Variants in ZNF98 observed in about 807,000 individuals in gnomAD.
ZNF98 encodes zinc finger protein 98.
A neutral mutation model predicts 12.8 loss-of-function variants in ZNF98; 8 were observed. The ratio of observed to expected loss-of-function variants is 0.63; its 90% CI spans 0.37 to 1.13. The LOEUF is 1.13. ZNF98 is among the 50% of genes most tolerant of loss of function. ZNF98 has a pLI of 0.01. For missense variants in ZNF98, 379 were observed against 666.1 expected, an observed-to-expected ratio of 0.57 and a Z score of 4.74; for synonymous variants, 112 against 223.5, an observed-to-expected ratio of 0.50 and a Z score of 4.45.
chr19:22,394,493 A>C lies in ZNF98; in HGVS notation c.254-1512T>G, dbSNP rs1969367657. On this transcript the variant is annotated intron_variant, in intron 3 of 3. Coordinates refer to ENST00000357774, the MANE Select transcript of ZNF98 (RefSeq NM_001098626.2). ...AAATGTGGCACGTATATACTACAGAATACTATGTATTCATGAAAAAGGATG... is the reference window on the plus strand; with the variant it reads ...AAATGTGGCACGTATATACTACAGACTACTATGTATTCATGAAAAAGGATG... Among the ~76,000 whole-genome samples the C allele has an allele frequency of 1.3e-5, 2 of 152,216 alleles. 1 individual carries two copies. Among genetic ancestry groups the C allele is most frequent in the South Asian group, 4.1e-4 (2 of 4,838 alleles).
rs74169609 is a variant in ZNF98 at position 22,391,747 on chromosome 19, G to A, written c.1488C>T (p.Gly496=). The A allele has an allele frequency of 3.1e-6, 5 of 1,612,948 alleles. No homozygotes were observed. In the East Asian group the frequency reaches 1.1e-4, roughly 36 times the overall value. ...GEKPYKCEEC[G]KAFNQSSHLT... ...GGTGTGAGGACTGGTTAAAAGCTTT[G>A]CCACATTCTTCACATTTGTAGGGCT... Residue 496 remains glycine, a synonymous_variant, in exon 4 of 4, where the codon GGC becomes GGT. Transcript: ENST00000357774.
intron 1 of ZNF98, among the ~76,000 whole-genome samples, chr19:22,418,931 A>G (rs1200111443): frequency 6.6e-6 from 1 of 152,208 alleles, no homozygotes; most frequent in Non-Finnish European, 1.5e-5. Flanking sequence ...TTTTTAATCA[A>G]ACTTCACTTA....
intron 1 of ZNF98, among the ~76,000 whole-genome samples, chr19:22,416,031 C>T (rs1969638733): frequency 6.7e-6 from 1 of 149,010 alleles, no homozygotes; most frequent in Non-Finnish European, 1.5e-5. Flanking sequence ...GTAGTCCCAG[C>T]TACTCGGGAG....
At chr19:22,401,964 C>G (rs1278192585) in intron 3 of ZNF98, among the ~76,000 whole-genome samples, 1 of 149,824 alleles carries the variant, frequency 6.7e-6, no homozygotes, top group Non-Finnish European at 1.5e-5. Context: ...ATCACAAGGT[C>G]TAGGAGTTCG....
chr19:22,402,480 T>C, intron 3 of ZNF98: 1 of 412,698 alleles, frequency 2.4e-6, no homozygotes, highest in Non-Finnish European at 4.2e-6. Flanking sequence ...ATTATCTATG[T>C]GTTTTCAAAA....
At chr19:22,397,132 A>C (rs975139581) in intron 3 of ZNF98, among the ~76,000 whole-genome samples, 1 of 11,826 alleles carries the variant, frequency 8.5e-5, no homozygotes, top group Non-Finnish European at 1.1e-3. Context: ...AAAAAACAAC[A>C]AAAAAAAACC....
At chr19:22,395,250 G>A (rs1404125219) in intron 3 of ZNF98, among the ~76,000 whole-genome samples, 1 of 144,864 alleles carries the variant, frequency 6.9e-6, no homozygotes, top group Non-Finnish European at 1.5e-5. Flanking sequence ...CAAAATTTTA[G>A]ACAAGGCACA....
chr19:22,419,799 A>G (rs1380653795), intron 1 of ZNF98, among the ~76,000 whole-genome samples: 5 of 152,320 alleles, frequency 3.3e-5, no homozygotes, highest in Middle Eastern at 3.4e-3. Context: ...TCAGAAGTCA[A>G]GATAACAGGA....
rs761191466 is a variant in ZNF98, at chr19:22,403,430, T to C, written c.113A>G (p.Tyr38Cys). The C allele has an allele frequency of 1.2e-6, 2 of 1,608,162 alleles. No individual in the cohort carries two copies. The highest frequency in any genetic ancestry group is 1.3e-5 in the African/African-American group (1 of 74,508). The change falls in exon 2 of 4, where the codon TAT becomes TGT. Residue 38 changes from tyrosine (Y) to cysteine (C), a missense_variant. Tyr to Cys is a radical substitution (Grantham distance 194, BLOSUM62 -2). This residue lies in a region of ZNF98 where 223 missense variants were observed against 261.6 expected (regional missense o/e 0.85). Coordinates refer to ENST00000357774, the MANE Select transcript of ZNF98 (RefSeq NM_001098626.2). ...QCLDTAQQNL[Y>C]RNVMLENYRN... is the part of the protein sequence containing the mutation. ...GTAGTTCTCTAACATCACATTCCTA[T>C]ATAAATTCTGCTGTGCGGTGTCCAG...
intron 3 of ZNF98, among the ~76,000 whole-genome samples, chr19:22,396,910 C>T (rs576135713): frequency 1.3e-5 from 2 of 152,174 alleles, no homozygotes; most frequent in South Asian, 4.2e-4. Context: ...CACTTGAGGT[C>T]AGGAGTTCGA....
chr19:22,420,932 C>A (rs1355578855), intron 1 of ZNF98, among the ~76,000 whole-genome samples: 1 of 152,202 alleles, frequency 6.6e-6, no homozygotes, highest in Admixed American at 6.5e-5. Flanking sequence ...GAAATACTTA[C>A]AAACAGAAAA....
chr19:22,399,211 G>T (rs569480569), intron 3 of ZNF98, among the ~76,000 whole-genome samples: 20 of 152,112 alleles, frequency 1.3e-4, no homozygotes, highest in South Asian at 6.2e-4. Context: ...TAGATAACTG[G>T]AATATTTTAC....
At chr19:22,419,369 A>G (rs747622215) in intron 1 of ZNF98, among the ~76,000 whole-genome samples, 1 of 151,944 alleles carries the variant, frequency 6.6e-6, no homozygotes, top group Non-Finnish European at 1.5e-5. Flanking sequence ...AGCTTCTCTC[A>G]CTATAAAGGT....
intron 3 of ZNF98, among the ~76,000 whole-genome samples, chr19:22,399,312 A>G (rs1969431946): frequency 6.6e-6 from 1 of 152,194 alleles, no homozygotes; most frequent in African/African-American, 2.4e-5. Context: ...CAGTATAATC[A>G]TAAACAGAAG....
rs1207371822 is a variant in ZNF98 at position 22,391,084 on chromosome 19, G to T, written c.*432C>A. ...TCTTTGATATAAATTCTCTGATGTT[G>T]AACAAAGTTTGAGCAATTGCCTCAG... On this transcript the variant is annotated 3_prime_UTR_variant, in exon 4 of 4. Coordinates refer to ENST00000357774, the MANE Select transcript of ZNF98 (RefSeq NM_001098626.2). 2 of 156,344 alleles carry T rather than the reference G, an allele frequency of 1.3e-5. No homozygotes were observed. Among genetic ancestry groups the T allele is most frequent in the African/African-American group, 4.8e-5 (2 of 41,468 alleles). The allele number at this position is 156,344 out of a possible 1,614,324, so 9.7% of individuals were successfully genotyped here. A position where few individuals can be genotyped will look rare whatever the true frequency, so the allele number is the denominator to read the frequency against.
intron 1 of ZNF98, among the ~76,000 whole-genome samples, chr19:22,413,876 A>AG (rs1331665493): frequency 6.6e-6 from 1 of 150,538 alleles, no homozygotes; most frequent in Non-Finnish European, 1.5e-5. Context: ...TCTCAAAAAA[A>AG]AAAAAAAAAA....
At chr19:22,396,859 G>C (rs1409791261) in intron 3 of ZNF98, among the ~76,000 whole-genome samples, 2 of 152,134 alleles carry the variant, frequency 1.3e-5, no homozygotes, top group Non-Finnish European at 2.9e-5. Context: ...GGTGGCTCAC[G>C]CCTGTAATCC....
intron 1 of ZNF98, among the ~76,000 whole-genome samples, chr19:22,407,164 C>T (rs1279083946): frequency 2.0e-5 from 3 of 151,838 alleles, no homozygotes; most frequent in Non-Finnish European, 2.9e-5. Flanking sequence ...TCAAGCGATT[C>T]TGCTGTCTCA....
Position 22,394,721 on chromosome 19 carries a change from A to G in ZNF98, c.254-1740T>C, listed in dbSNP as rs531811737. Among the ~76,000 whole-genome samples, 103 of 152,064 alleles carry G rather than the reference A, an allele frequency of 6.8e-4. 1 individual carries two copies. Among genetic ancestry groups the G allele is most frequent in the African/African-American group, 2.4e-3 (99 of 41,510 alleles). On this transcript the variant is annotated intron_variant, in intron 3 of 3. Transcript: ENST00000357774. The stretch of plus-strand genomic sequence containing the variant: ...GGCTGGGGGAAGGACAGCATTAACC[A>G]CCATGGCACATGTATACCTATGTAA...
Sources: gnomAD v4.1 joint callset for allele counts (sites outside exome capture counted in the v4.1 genomes callset) on GRCh38, gnomAD v4.1.1 for gene constraint, gnomAD v4.1.1 regional missense constraint, MANE v1.5 for transcripts, NCBI Gene and HGNC (gene_info 2026-07-23, HGNC 2026-07-21) for gene names.